The following CDH4 variants were observed in gnomAD, a reference collection of about 807,000 sequenced individuals.
CDH4 encodes cadherin 4.
Under a neutral mutation model 86.0 loss-of-function variants are expected in CDH4, and 33 were observed. The ratio of observed to expected loss-of-function variants is 0.38; its 90% confidence interval spans 0.29 to 0.51. CDH4 has a LOEUF of 0.51. CDH4 is among the 20% of genes least tolerant of loss of function. The pLI, the probability that CDH4 is intolerant of heterozygous loss-of-function variation, is 0.86. For missense variants in CDH4, 1,114 were observed against 1,307.4 expected (o/e 0.85, Z 2.28); for synonymous variants, 555 against 549.4 (o/e 1.01, Z -0.14).
chr20:61,333,398 A>G (rs1469282109), intron 2 of CDH4, among the ~76,000 whole-genome samples: 1 of 152,178 alleles, frequency 6.6e-6, no homozygotes, highest in African/African-American at 2.4e-5. Context: ...CGGGTTGTCA[A>G]TGTGGCTCCT....
At chr20:61,697,054 C>G (rs899804134) in intron 2 of CDH4, among the ~76,000 whole-genome samples, 3 of 152,194 alleles carry the variant, frequency 2.0e-5, no homozygotes, top group Admixed American at 2.0e-4. Context: ...TCGGAGGGAG[C>G]ATGGCCCTGC....
At chr20:61,618,063 G>A (rs2086739959) in intron 2 of CDH4, among the ~76,000 whole-genome samples, 1 of 152,128 alleles carries the variant, frequency 6.6e-6, no homozygotes, top group Admixed American at 6.5e-5. Flanking sequence ...CAGCCATGTG[G>A]AACTGTGAGT....
intron 2 of CDH4, among the ~76,000 whole-genome samples, chr20:61,492,136 G>A (rs377696580): frequency 1.3e-5 from 2 of 151,530 alleles, no homozygotes; most frequent in Non-Finnish European, 2.9e-5. Flanking sequence ...GTTAATGTTG[G>A]TGGTGTCGAT....
At chr20:61,905,710 A>T (rs1940796174) in intron 8 of CDH4, among the ~76,000 whole-genome samples, 1 of 152,052 alleles carries the variant, frequency 6.6e-6, no homozygotes, top group African/African-American at 2.4e-5. Context: ...AACCACAGAC[A>T]GCCAGGTGCA....
At chr20:61,667,568 T>G (rs2087340879) in intron 2 of CDH4, among the ~76,000 whole-genome samples, 1 of 152,294 alleles carries the variant, frequency 6.6e-6, no homozygotes, top group East Asian at 1.9e-4. Flanking sequence ...GCTGCACATG[T>G]GAGCATACAC....
intron 5 of CDH4, among the ~76,000 whole-genome samples, chr20:61,852,401 A>G (rs1982766902): frequency 6.6e-6 from 1 of 152,166 alleles, no homozygotes; most frequent in Admixed American, 6.5e-5. Flanking sequence ...CACCCCATCC[A>G]AGGGGCACCT....
At chr20:61,720,492 G>C (rs1301393830) in intron 2 of CDH4, among the ~76,000 whole-genome samples, 1 of 150,312 alleles carries the variant, frequency 6.7e-6, no homozygotes, top group Non-Finnish European at 1.5e-5. Context: ...GGGGTGTAGG[G>C]GTGCAGGGAT....
At chr20:61,921,161 A>C (rs1600775409) in intron 9 of CDH4, among the ~76,000 whole-genome samples, 1 of 144,116 alleles carries the variant, frequency 6.9e-6, no homozygotes, top group Admixed American at 6.9e-5. Context: ...ATTGCATGGA[A>C]GCGTGGTGTC....
At position 61,829,826 on chromosome 20, in the gene CDH4, G is replaced by T. The variant is rs1184416670; in HGVS notation, c.577-14842G>T. On this transcript the variant is annotated intron_variant, in intron 4 of 15. Transcript: ENST00000614565. The surrounding 1 kb of genome is among the most constrained non-coding windows in gnomAD (Gnocchi z 4.2). Reference sequence around the variant, plus strand: ...CTGTGCAGCCCTCCTCCAGACCCCAGTCCCCTTGGACCAGGGGCAAAGCTC... The same window carrying T: ...CTGTGCAGCCCTCCTCCAGACCCCATTCCCCTTGGACCAGGGGCAAAGCTC... 6.6e-6 allele frequency among the ~76,000 whole-genome samples: 1 copy of T among 152,048 alleles called. No individual in the cohort carries two copies. Among genetic ancestry groups the T allele is most frequent in the Non-Finnish European group, 1.5e-5 (1 of 67,986 alleles).
chr20:61,762,527 G>C (rs751446748), intron 3 of CDH4, among the ~76,000 whole-genome samples: 2 of 152,184 alleles, frequency 1.3e-5, no homozygotes, highest in Non-Finnish European at 2.9e-5. Flanking sequence ...AGAATTCCCA[G>C]CTCGGGGCTG....
At chr20:61,601,191 G>A (rs566366052) in intron 2 of CDH4, among the ~76,000 whole-genome samples, 3 of 152,286 alleles carry the variant, frequency 2.0e-5, no homozygotes, top group Admixed American at 2.0e-4. Context: ...GCGGGAGCAG[G>A]CACCTCACAT....
At chr20:61,815,544 A>T (rs1980674088) in intron 4 of CDH4, among the ~76,000 whole-genome samples, 1 of 152,230 alleles carries the variant, frequency 6.6e-6, no homozygotes, top group African/African-American at 2.4e-5. Context: ...CTCTGAAGGT[A>T]AAACCACATG....
At chr20:61,739,519 G>A (rs2088307634) in intron 2 of CDH4, among the ~76,000 whole-genome samples, 1 of 152,212 alleles carries the variant, frequency 6.6e-6, no homozygotes, top group African/African-American at 2.4e-5. Context: ...CAGGTTACAG[G>A]TTTCCATGGG....
intron 2 of CDH4, among the ~76,000 whole-genome samples, chr20:61,483,471 G>A (rs148341290): frequency 7.4e-4 from 113 of 152,242 alleles, no homozygotes; most frequent in African/African-American, 2.4e-3. Flanking sequence ...GTCTGTGCAC[G>A]CCCATTGAGC....
At chr20:61,473,732 C>T (rs1409859697) in intron 2 of CDH4, among the ~76,000 whole-genome samples, 1 of 152,056 alleles carries the variant, frequency 6.6e-6, no homozygotes, top group Non-Finnish European at 1.5e-5. Flanking sequence ...ATGGCATGCA[C>T]ACATACACAC....
chr20:61,895,111 G>A (rs755356538), intron 8 of CDH4, 64 bp downstream of exon 8: 59 of 1,561,542 alleles, frequency 3.8e-5, no homozygotes, highest in South Asian at 7.1e-5. Flanking sequence ...ACTGGCGTGC[G>A]GCACAGCCTC....
intron 4 of CDH4, among the ~76,000 whole-genome samples, chr20:61,791,381 G>T (rs994758273): frequency 3.3e-5 from 5 of 152,240 alleles, no homozygotes; most frequent in Non-Finnish European, 5.9e-5. Flanking sequence ...CTTAGAGAAA[G>T]AAGTGTGTTC....
chr20:61,676,315 C>T lies in CDH4; in HGVS notation c.170-67248C>T, dbSNP rs955038246. Among the ~76,000 whole-genome samples, 4 of 152,146 alleles carry T rather than the reference C, an allele frequency of 2.6e-5. No individual in the cohort carries two copies. The highest frequency in any genetic ancestry group is 7.2e-5 in the African/African-American group (3 of 41,416). ...AACTCAGGTTAGGAAATGAATAGTG[C>T]GATTGAATACTGCGGCCCCCAGAGG... On this transcript the variant is annotated intron_variant, in intron 2 of 15. Transcript: ENST00000614565. This position sits in a 1 kb window ranked among gnomAD's most constrained non-coding sequence, Gnocchi z 4.5.
At chr20:61,376,868 T>A (rs1405522472) in intron 2 of CDH4, among the ~76,000 whole-genome samples, 1 of 152,182 alleles carries the variant, frequency 6.6e-6, no homozygotes, top group African/African-American at 2.4e-5. Context: ...ACCTCTCCTC[T>A]CTAGCACTTC....
Sources: allele counts gnomAD v4.1 joint callset (sites outside exome capture counted in the v4.1 genomes callset), GRCh38; gene constraint gnomAD v4.1.1; non-coding constraint Gnocchi (gnomAD v3.1); transcripts MANE v1.5; gene names NCBI Gene and HGNC (gene_info 2026-07-23, HGNC 2026-07-21).